KMT5B: variants seen among roughly 807,000 people sequenced by gnomAD.
KMT5B encodes histone-lysine N-methyltransferase KMT5B.
In KMT5B, 10 loss-of-function variants were observed where a neutral mutation model predicts 83.2. The observed-to-expected ratio is 0.12, with a 90% confidence interval of 0.07 to 0.20. The LOEUF is 0.20. Ranked by LOEUF, KMT5B falls within the 10% of genes least tolerant of loss-of-function variation. The pLI, the probability that KMT5B is intolerant of heterozygous loss-of-function variation, is 1.00. For missense variants in KMT5B, 753 were observed against 1,067.2 expected (o/e 0.71, Z 4.10); for synonymous variants, 349 against 388.8 (o/e 0.90, Z 1.20).
Position 68,157,848 on chromosome 11 carries a change from TCAG to T in KMT5B, c.2495_2497del (p.Ser832_Glu833delinsTer). Reference sequence around the variant, plus strand: ...ATAGTCATCCTCCTCTTCATCGCCCTCAGAAGAGGAGGAATCATCTGTACTTTC... The same window carrying T: ...ATAGTCATCCTCCTCTTCATCGCCCTAAGAGGAGGAATCATCTGTACTTTC... On this transcript the variant is annotated stop_gained and inframe_deletion, in exon 11 of 11. Coordinates refer to ENST00000304363, the MANE Select transcript of KMT5B (RefSeq NM_017635.5). LOFTEE classifies it high-confidence loss of function. 1 of 1,613,982 alleles carries T rather than the reference TCAG, an allele frequency of 6.2e-7. No homozygotes were observed. The highest frequency in any genetic ancestry group is 8.5e-7 in the Non-Finnish European group (1 of 1,179,908).
intron 2 of KMT5B, among the ~76,000 whole-genome samples, chr11:68,188,627 G>A (rs1035790074): frequency 1.4e-4 from 21 of 152,222 alleles, no homozygotes; most frequent in African/African-American, 5.1e-4. Context: ...CCAAAGTGCC[G>A]GGACTACAGG....
intron 10 of KMT5B, 108 bp downstream of exon 10, chr11:68,166,874 C>T: frequency 6.7e-7 from 1 of 1,497,820 alleles, no homozygotes; most frequent in Non-Finnish European, 8.9e-7. Flanking sequence ...TCACAAGTCC[C>T]AGTCTCTCTG....
At chr11:68,206,641 G>C (rs1387736598) in intron 1 of KMT5B, among the ~76,000 whole-genome samples, 3 of 152,138 alleles carry the variant, frequency 2.0e-5, no homozygotes, top group Non-Finnish European at 4.4e-5. Context: ...GCCTCCCTAG[G>C]TTTGGCACAA....
intron 5 of KMT5B, among the ~76,000 whole-genome samples, chr11:68,174,574 G>A (rs1856167132): frequency 6.6e-6 from 1 of 152,130 alleles, no homozygotes; most frequent in African/African-American, 2.4e-5. Context: ...GTCTCCCAGG[G>A]CTGGAGCGCA....
In KMT5B at chr11:68,185,865, T is replaced by C. The variant is rs758202863; in HGVS notation, c.224A>G (p.Lys75Arg). ...TAGGTCATCATTTTCACAGAGTTCC[T>C]TGGCGGACATTCCAGAGGATGGTAC... is the stretch of plus-strand genomic sequence containing the variant. The part of the protein sequence containing the change: ...RYVPSSGMSA[K>R]ELCENDDLAT... The change falls in exon 3 of 11, where the codon AAG becomes AGG. Residue 75 changes from lysine to arginine, a missense_variant. This residue lies in a region of KMT5B where 56 missense variants were observed against 91.4 expected (regional missense o/e 0.61). Coordinates refer to ENST00000304363, the MANE Select transcript of KMT5B (RefSeq NM_017635.5). 1.9e-6 allele frequency: 3 copies of C among 1,614,170 alleles called. No individual in the cohort carries two copies. The highest frequency in any genetic ancestry group is 2.2e-5 in the East Asian group (1 of 44,866).
chr11:68,166,225 A>G (rs1855306951), intron 10 of KMT5B: 1 of 1,265,036 alleles, frequency 7.9e-7, no homozygotes, highest in Non-Finnish European at 1.0e-6. Flanking sequence ...AATGGTTCCA[A>G]TATTTCAAAG....
chr11:68,160,187 C>T (rs1013459105), intron 10 of KMT5B, among the ~76,000 whole-genome samples: 1 of 152,178 alleles, frequency 6.6e-6, no homozygotes, highest in Non-Finnish European at 1.5e-5. Context: ...ATCGAATAGA[C>T]GTGCTGTCAA....
intron 2 of KMT5B, among the ~76,000 whole-genome samples, chr11:68,187,666 T>C (rs1402861110): frequency 3.3e-5 from 5 of 152,264 alleles, no homozygotes; most frequent in African/African-American, 9.6e-5. Context: ...TGAGGTTCTA[T>C]AGATGTCTGT....
intron 1 of KMT5B, among the ~76,000 whole-genome samples, chr11:68,206,700 C>T (rs140555683): frequency 5.9e-5 from 9 of 152,244 alleles, no homozygotes; most frequent in African/African-American, 1.7e-4. Flanking sequence ...TCTCCCCTTC[C>T]AAGTAACTAA....
At chr11:68,189,439 C>T (rs1565245013) in intron 2 of KMT5B, among the ~76,000 whole-genome samples, 1 of 152,168 alleles carries the variant, frequency 6.6e-6, no homozygotes, top group Non-Finnish European at 1.5e-5. Context: ...GAATAAATTG[C>T]TATGATTTGT....
chr11:68,208,982 G>C (rs1034474960), intron 1 of KMT5B, among the ~76,000 whole-genome samples: 2 of 152,168 alleles, frequency 1.3e-5, no homozygotes, highest in African/African-American at 2.4e-5. Flanking sequence ...CTTTCCAAGG[G>C]GGAAAGTGAA....
At chr11:68,205,189 G>A (rs538186714) in intron 1 of KMT5B, among the ~76,000 whole-genome samples, 3 of 151,828 alleles carry the variant, frequency 2.0e-5, no homozygotes, top group Non-Finnish European at 4.4e-5. Context: ...GTGCTGCTGC[G>A]CAACTTCAGT....
chr11:68,166,186 T>C (rs1252704834), intron 10 of KMT5B: 1 of 1,320,134 alleles, frequency 7.6e-7, no homozygotes, highest in Non-Finnish European at 9.6e-7. Flanking sequence ...AGAAAACTGG[T>C]GTTACCCAGA....
rs1042580804 is a variant in KMT5B at position 68,171,844 on chromosome 11, G to A, written c.654-135C>T. On this transcript the variant is annotated intron_variant, in intron 6 of 10. Coordinates refer to ENST00000304363, the MANE Select transcript of KMT5B (RefSeq NM_017635.5). This position sits in a 1 kb window ranked among gnomAD's most constrained non-coding sequence, Gnocchi z 5.1. Reference sequence around the variant, plus strand: ...GTCTATACTTTAGTTAGCTCACTGGGATCCCCACCTGGCTATCTTCTCTCC... The same window carrying A: ...GTCTATACTTTAGTTAGCTCACTGGAATCCCCACCTGGCTATCTTCTCTCC... The A allele has an allele frequency of 5.8e-6, 4 of 693,038 alleles. No individual in the cohort carries two copies. In the African/African-American group the frequency reaches 7.3e-5, roughly 13 times the overall value. 42.9% of individuals were successfully genotyped at this position (693,038 alleles called of 1,614,324 possible).
At chr11:68,179,407 A>C in intron 4 of KMT5B, 1 of 1,256,944 alleles carries the variant, frequency 8.0e-7, no homozygotes, top group Non-Finnish European at 1.1e-6. Flanking sequence ...TAAAAATGTC[A>C]TTTACAATTG....
rs138913197 is a variant in KMT5B at position 68,171,035 on chromosome 11, G to A, written c.957C>T (p.Cys319=). ...CTTACCTTTCGCAAGTGTAACACTC[G>A]CAGAACTCATTATTTTCTCCAAAGA... ...DGFFGENNEF[C]ECYTCERRGT... is the part of the protein sequence containing the mutation. The change falls in exon 9 of 11, where the codon TGC becomes TGT. Residue 319 remains cysteine, a synonymous_variant. Transcript: ENST00000304363. This position sits in a 1 kb window ranked among gnomAD's most constrained non-coding sequence, Gnocchi z 5.1. 477 of 1,590,388 alleles carry A rather than the reference G, an allele frequency of 3.0e-4. No individual in the cohort carries two copies. In the African/African-American group the frequency reaches 5.4e-3, roughly 18 times the overall value.
At chr11:68,180,432 T>C (rs1213862543) in intron 3 of KMT5B, among the ~76,000 whole-genome samples, 1 of 152,240 alleles carries the variant, frequency 6.6e-6, no homozygotes, top group African/African-American at 2.4e-5. Flanking sequence ...TTTGAAAACA[T>C]TCTTTACGGA....
At chr11:68,203,386 T>C (rs993029666) in intron 1 of KMT5B, among the ~76,000 whole-genome samples, 5 of 152,260 alleles carry the variant, frequency 3.3e-5, no homozygotes, top group African/African-American at 4.8e-5. Context: ...AATCGGTTTT[T>C]AGTTTTCTCC....
At chr11:68,166,826 C>G (rs1169572778) in intron 10 of KMT5B, 156 bp downstream of exon 10, 2 of 1,447,338 alleles carry the variant, frequency 1.4e-6, no homozygotes, top group African/African-American at 2.9e-5. Context: ...TGTGCCTCTA[C>G]TCAAATCACG....
Sources: allele counts gnomAD v4.1 joint callset (sites outside exome capture counted in the v4.1 genomes callset), GRCh38; gene constraint gnomAD v4.1.1; regional missense constraint gnomAD v4.1.1; non-coding constraint Gnocchi (gnomAD v3.1); transcripts MANE v1.5; gene names NCBI Gene and HGNC (gene_info 2026-07-23, HGNC 2026-07-21).